ZNF655: variants seen among roughly 807,000 people sequenced by gnomAD.
ZNF655 encodes the protein zinc finger protein 655.
Under a neutral mutation model 6.6 loss-of-function variants are expected in ZNF655, and 3 were observed. That is an observed-to-expected ratio of 0.46 (90% CI 0.21 to 1.18). The LOEUF is 1.18. ZNF655 is among the 50% of genes most tolerant of loss of function. The pLI is 0.24. For synonymous variants in ZNF655, 178 were observed against 195.0 expected, an observed-to-expected ratio of 0.91 and a Z score of 0.73; for missense variants, 526 against 572.3, an observed-to-expected ratio of 0.92 and a Z score of 0.83.
At chr7:99,559,581 C>T (rs1802914995) in intron 1 of ZNF655, among the ~76,000 whole-genome samples, 1 of 152,112 alleles carries the variant, frequency 6.6e-6, no homozygotes, top group Admixed American at 6.6e-5. Flanking sequence ...TAGCATTTTT[C>T]TCTGGGCACC....
At chr7:99,564,648 ATATAAT>A (rs1213441797) in intron 2 of ZNF655, 1 of 984,512 alleles carries the variant, frequency 1.0e-6, no homozygotes, top group African/African-American at 1.7e-5. Context: ...AGTGACATAC[ATATAAT>A]TGTAAAGTAC....
rs1803784567 is a variant in ZNF655 at position 99,568,291 on chromosome 7, C to G, written c.137-3954C>G. ...TTTTTTTTTTTTTGAAATGGAGTCTCCCAGGCTGGAGTGTAGTGGCGTGAT... is the reference window on the plus strand; with the variant it reads ...TTTTTTTTTTTTTGAAATGGAGTCTGCCAGGCTGGAGTGTAGTGGCGTGAT... On this transcript the variant is annotated intron_variant, in intron 2 of 2. Transcript: ENST00000252713. Among the ~76,000 whole-genome samples, 4 of 144,522 alleles carry G rather than the reference C, an allele frequency of 2.8e-5. No homozygotes were observed. In the South Asian group the frequency reaches 6.5e-4, roughly 24 times the overall value. 94.8% of individuals were successfully genotyped at this position (144,522 alleles called of 152,430 possible). A position where few individuals can be genotyped will look rare whatever the true frequency, so the allele number is the denominator to read the frequency against.
intron 2 of ZNF655, among the ~76,000 whole-genome samples, chr7:99,566,861 A>G (rs575765836): frequency 4.6e-5 from 7 of 152,322 alleles, no homozygotes; most frequent in African/African-American, 1.4e-4. Context: ...CTCAGCTTTA[A>G]CTGTTATTTT....
intron 1 of ZNF655, 40 bp from the exon 2 acceptor site, chr7:99,560,493 T>G: frequency 6.4e-7 from 1 of 1,565,048 alleles, no homozygotes; most frequent in East Asian, 2.3e-5. Flanking sequence ...ATGAAATGCT[T>G]TAACTTATTA....
intron 2 of ZNF655, chr7:99,570,076 A>G (rs1803923656): frequency 6.6e-6 from 1 of 152,186 alleles, no homozygotes; most frequent in Non-Finnish European, 1.5e-5. Flanking sequence ...ACACACATCT[A>G]AAATCAAACC....
chr7:99,560,139 C>CAG (rs1199550446), intron 1 of ZNF655, among the ~76,000 whole-genome samples: 2 of 147,332 alleles, frequency 1.4e-5, no homozygotes, highest in Non-Finnish European at 3.0e-5. Context: ...GGTTGGAGTG[C>CAG]AGTGGTGCAA....
intron 2 of ZNF655, chr7:99,564,051 C>G: frequency 6.2e-7 from 1 of 1,604,404 alleles, no homozygotes; most frequent in East Asian, 2.2e-5. Flanking sequence ...TCCTTTTCCA[C>G]GATTGTGAGA....
Position 99,574,115 on chromosome 7 carries a change from A to G in ZNF655, c.*531A>G, listed in dbSNP as rs1213011555. On this transcript the variant is annotated 3_prime_UTR_variant, in exon 3 of 3. Coordinates refer to ENST00000252713, the MANE Select transcript of ZNF655 (RefSeq NM_138494.3). Reference sequence around the variant, plus strand: ...GGGTGTAGTAAATGGCAGATCTTTCAATAGGAGTTTAACTAGTCTTTGTCA... The same window carrying G: ...GGGTGTAGTAAATGGCAGATCTTTCGATAGGAGTTTAACTAGTCTTTGTCA... 6.5e-6 allele frequency: 1 copy of G among 153,572 alleles called. No homozygotes were observed. The allele number at this position is 153,572 out of a possible 1,614,324, so 9.5% of individuals were successfully genotyped here.
chr7:99,576,095 A>C lies in ZNF655; in HGVS notation c.*2511A>C, dbSNP rs1345043097. ...GTAGGGACCCTCAACAAATATATAA[A>C]AATATGTTGCTCACTCTATAATCCT... On this transcript the variant is annotated 3_prime_UTR_variant, in exon 3 of 3. Coordinates refer to ENST00000252713, the MANE Select transcript of ZNF655 (RefSeq NM_138494.3). The C allele has an allele frequency of 6.6e-6, 1 of 152,224 alleles. No homozygotes were observed. Among genetic ancestry groups the C allele is most frequent in the Non-Finnish European group, 1.5e-5 (1 of 68,032 alleles). The allele number at this position is 152,224 out of a possible 1,614,324, so 9.4% of individuals were successfully genotyped here.
rs1562939371 is a variant in ZNF655 at position 99,573,389 on chromosome 7, CAA to C, written c.1284_1285del (p.Lys428AsnfsTer3). 1 of 1,614,088 alleles carries C rather than the reference CAA, an allele frequency of 6.2e-7. No homozygotes were observed. The highest frequency in any genetic ancestry group is 1.7e-5 in the Admixed American group (1 of 60,024). ...AAACCTCATGCCTTATTCAGCATCA[CAA>C]AATGCATAGGAAAGAGAAATCGTAT... ...SQTSCLIQHH[K>X]MHRKEKSYEC... On this transcript the variant is annotated frameshift_variant, in exon 3 of 3. Coordinates refer to ENST00000252713, the MANE Select transcript of ZNF655 (RefSeq NM_138494.3). LOFTEE classifies it low-confidence loss of function (END_TRUNC).
In ZNF655 at chr7:99,573,295, T is replaced by C. The variant is rs368888201; in HGVS notation, c.1187T>C (p.Ile396Thr). The C allele has an allele frequency of 5.0e-6, 8 of 1,614,054 alleles. No homozygotes were observed. Among genetic ancestry groups the C allele is most frequent in the East Asian group, 2.2e-5 (1 of 44,892 alleles). Residue 396 changes from isoleucine to threonine, a missense_variant, in exon 3 of 3, where the codon ATT becomes ACT. Ile to Thr is a moderately conservative substitution (Grantham distance 89). Transcript: ENST00000252713. ...GACTTCAGATTGAATTCACATCTTATTCAGCATCAAAGAATTCACACAGGA... is the reference window on the plus strand; with the variant it reads ...GACTTCAGATTGAATTCACATCTTACTCAGCATCAAAGAATTCACACAGGA... Reference protein sequence around the residue: ...GKDFRLNSHLIQHQRIHTGEK... With the variant: ...GKDFRLNSHLTQHQRIHTGEK...
chr7:99,564,835 C>A, intron 2 of ZNF655: 1 of 373,308 alleles, frequency 2.7e-6, no homozygotes. Context: ...ATGCAGTCGA[C>A]ATGCATACAC....
intron 2 of ZNF655, chr7:99,571,926 TCA>T: frequency 1.6e-6 from 1 of 619,056 alleles, no homozygotes; most frequent in Non-Finnish European, 2.7e-6. Context: ...CCTTTTCCCT[TCA>T]GTTAGGTTGA....
At chr7:99,566,574 T>C (rs1803648499) in intron 2 of ZNF655, among the ~76,000 whole-genome samples, 1 of 152,154 alleles carries the variant, frequency 6.6e-6, no homozygotes, top group Non-Finnish European at 1.5e-5. Context: ...AATATTATTT[T>C]TGAGGCAGGG....
intron 2 of ZNF655, among the ~76,000 whole-genome samples, chr7:99,569,113 G>T (rs778329186): frequency 6.6e-6 from 1 of 151,966 alleles, no homozygotes; most frequent in African/African-American, 2.4e-5. Context: ...ACACTTCTGC[G>T]ACTCCAATTA....
chr7:99,570,929 C>T (rs1804006899), intron 2 of ZNF655: 1 of 159,632 alleles, frequency 6.3e-6, no homozygotes, highest in Non-Finnish European at 1.4e-5. Flanking sequence ...TATATCCAAG[C>T]ATTGCATTAT....
rs1804387064 is a variant in ZNF655, at chr7:99,576,215, A to G, written c.*2631A>G. On this transcript the variant is annotated 3_prime_UTR_variant, in exon 3 of 3. Coordinates refer to ENST00000252713, the MANE Select transcript of ZNF655 (RefSeq NM_138494.3). ...TCATCAAGGCAAGGTAGGAATCTAA[A>G]TGAAATTGATATATAAATGAATTGA... The G allele has an allele frequency of 1.3e-5, 2 of 152,688 alleles. No homozygotes were observed. The highest frequency in any genetic ancestry group is 6.5e-5 in the Admixed American group (1 of 15,284). The allele number at this position is 152,688 out of a possible 1,614,324, so 9.5% of individuals were successfully genotyped here.
chr7:99,568,261 A>ATTT (rs548893044), intron 2 of ZNF655, among the ~76,000 whole-genome samples: 1 of 132,694 alleles, frequency 7.5e-6, no homozygotes, highest in Non-Finnish European at 1.6e-5. Flanking sequence ...AGGGATTTGG[A>ATTT]TTTTTTTTTT....
At chr7:99,568,057 C>A (rs1803765494) in intron 2 of ZNF655, among the ~76,000 whole-genome samples, 1 of 147,946 alleles carries the variant, frequency 6.8e-6, no homozygotes, top group Non-Finnish European at 1.5e-5. Flanking sequence ...AGACTCCATA[C>A]CCCCCGGCCA....
Sources: allele counts gnomAD v4.1 joint callset (sites outside exome capture counted in the v4.1 genomes callset), GRCh38; gene constraint gnomAD v4.1.1; transcripts MANE v1.5; gene names NCBI Gene and HGNC (gene_info 2026-07-23, HGNC 2026-07-21).